Variants in CDH1 observed in about 807,000 individuals in gnomAD.
The protein encoded by CDH1 is cadherin 1.
A neutral mutation model predicts 84.5 loss-of-function variants in CDH1; 35 were observed. The ratio of observed to expected loss-of-function variants is 0.41; its 90% CI spans 0.32 to 0.55. The LOEUF (loss-of-function observed/expected upper bound fraction) is 0.55, where lower values mean the gene tolerates loss of function less well. CDH1 is among the 20% of genes least tolerant of loss of function. The pLI is 0.19. For synonymous variants in CDH1, 417 were observed against 439.0 expected (o/e 0.95, Z 0.63); for missense variants, 994 against 1,126.6 (o/e 0.88, Z 1.68).
chr16:68,810,111 G>C (rs1256423874), intron 5 of CDH1, 86 bp from the exon 6 acceptor site: 20 of 1,433,786 alleles, frequency 1.4e-5, no homozygotes, highest in Admixed American at 1.7e-5. Flanking sequence ...TGGCAGCCAG[G>C]GGGGCGCACT....
At chr16:68,810,566 ATT>A (rs5817654) in intron 6 of CDH1, among the ~76,000 whole-genome samples, 8 of 146,556 alleles carry the variant, frequency 5.5e-5, no homozygotes, top group Admixed American at 1.4e-4. Context: ...TTTATTATTA[ATT>A]TTTTTTTTTT....
rs71148949 is a variant in CDH1, at chr16:68,777,534, C to CTTTTTTTT, written c.164-24120_164-24113dup. 5.5e-3 allele frequency among the ~76,000 whole-genome samples: 424 copies of CTTTTTTTT among 76,938 alleles called. 14 individuals are homozygous for CTTTTTTTT. The highest frequency in any genetic ancestry group is 6.1e-3 in the African/African-American group (124 of 20,422). The allele number at this position is 76,938 out of a possible 152,430, so 50.5% of individuals were successfully genotyped here. ...AGTGTTCTAGAAAAGGTAATGTTTC[C>CTTTTTTTT]TTTTTTTTTTTTTTTTTTTTTTTGA... On this transcript the variant is annotated intron_variant, in intron 2 of 15. Coordinates refer to ENST00000261769, the MANE Select transcript of CDH1 (RefSeq NM_004360.5).
At chr16:68,757,676 C>T (rs1414943752) in intron 2 of CDH1, among the ~76,000 whole-genome samples, 2 of 152,160 alleles carry the variant, frequency 1.3e-5, no homozygotes, top group African/African-American at 2.4e-5. Context: ...TGCCTGGATT[C>T]CAATCCCAAC....
At chr16:68,801,998 G>A in intron 3 of CDH1, 105 bp downstream of exon 3, 1 of 921,814 alleles carries the variant, frequency 1.1e-6, no homozygotes, top group Non-Finnish European at 1.7e-6. Context: ...ATGATTTTGT[G>A]TTGTAGGGGT....
chr16:68,825,288 C>T (rs2152140373), intron 13 of CDH1, among the ~76,000 whole-genome samples: 1 of 152,146 alleles, frequency 6.6e-6, no homozygotes, highest in South Asian at 2.1e-4. Context: ...GGTAGAATTC[C>T]AACAGGCAGA....
At chr16:68,789,268 T>C (rs1293882261) in intron 2 of CDH1, among the ~76,000 whole-genome samples, 1 of 152,022 alleles carries the variant, frequency 6.6e-6, no homozygotes, top group Non-Finnish European at 1.5e-5. Context: ...TGGACTCAAG[T>C]GATCCGCCCA....
At position 68,834,697 on chromosome 16, in the gene CDH1, G is replaced by A. The variant is rs1379950620; in HGVS notation, c.*1198G>A. The stretch of plus-strand genomic sequence containing the variant: ...TAATGGCTTCCCTCTTTCATCTCCT[G>A]AGTATGTAACTTGCAATGGGCAGCT... On this transcript the variant is annotated 3_prime_UTR_variant, in exon 16 of 16. Transcript: ENST00000261769. The A allele has an allele frequency of 4.5e-4, 106 of 235,144 alleles. No homozygotes were observed. Among genetic ancestry groups the A allele is most frequent in the Non-Finnish European group, 1.1e-4 (13 of 119,136 alleles). The allele number at this position is 235,144 out of a possible 1,614,324, so 14.6% of individuals were successfully genotyped here. A position where few individuals can be genotyped will look rare whatever the true frequency, so the allele number is the denominator to read the frequency against.
At chr16:68,824,687 T>C (rs1398638729) in intron 13 of CDH1, among the ~76,000 whole-genome samples, 1 of 152,244 alleles carries the variant, frequency 6.6e-6, no homozygotes, top group African/African-American at 2.4e-5. Flanking sequence ...GTTTCTGCCA[T>C]AGTCCTTAAA....
rs1555510236 is a variant in CDH1 at position 68,743,359 on chromosome 16, C to CTTTCTTTTCTTTTCT, written c.163+4951_163+4965dup. 7.4e-4 allele frequency among the ~76,000 whole-genome samples: 41 copies of CTTTCTTTTCTTTTCT among 55,634 alleles called. 6 individuals are homozygous for CTTTCTTTTCTTTTCT. The highest frequency in any genetic ancestry group is 1.7e-3 in the East Asian group (3 of 1,778). The allele number at this position is 55,634 out of a possible 152,430, so 36.5% of individuals were successfully genotyped here. A position where few individuals can be genotyped will look rare whatever the true frequency, so the allele number is the denominator to read the frequency against. On this transcript the variant is annotated intron_variant, in intron 2 of 15. Transcript: ENST00000261769. ...TCTTTCTTTCTTTCTTTCTTTCTTTCTTTCTTTTCTTTTCTTTCTTTTGAG... is the reference window on the plus strand; with the variant it reads ...TCTTTCTTTCTTTCTTTCTTTCTTTCTTTCTTTTCTTTTCTTTTCTTTTCTTTTCTTTCTTTTGAG...
intron 8 of CDH1, among the ~76,000 whole-genome samples, chr16:68,812,622 A>C (rs377180087): frequency 6.6e-6 from 1 of 152,234 alleles, no homozygotes; most frequent in East Asian, 1.9e-4. Context: ...ATCACACACA[A>C]AGATTCCATT....
At chr16:68,779,014 C>G (rs1362404721) in intron 2 of CDH1, among the ~76,000 whole-genome samples, 1 of 152,158 alleles carries the variant, frequency 6.6e-6, no homozygotes, top group African/African-American at 2.4e-5. Flanking sequence ...GCCAGGTGGC[C>G]TTTCAGGTTT....
rs752439219 is a variant in CDH1, at chr16:68,829,811, G to C, written c.2439+14G>C. 1 of 1,613,146 alleles carries C rather than the reference G, an allele frequency of 6.2e-7. No individual in the cohort carries two copies. Among genetic ancestry groups the C allele is most frequent in the Non-Finnish European group, 8.5e-7 (1 of 1,179,716 alleles). On this transcript the variant is annotated intron_variant, in intron 15 of 15. Transcript: ENST00000261769. ...TTTATTGATGAAGTAAGTAATCCACGTGGAAAGCCAAAGCATGGCTCATCT... is the reference window on the plus strand; with the variant it reads ...TTTATTGATGAAGTAAGTAATCCACCTGGAAAGCCAAAGCATGGCTCATCT...
In CDH1 at chr16:68,738,413, T is replaced by C; in HGVS notation, c.163+2T>C. 6.5e-7 allele frequency: 1 copy of C among 1,536,040 alleles called. No individual in the cohort carries two copies. The highest frequency in any genetic ancestry group is 8.8e-7 in the Non-Finnish European group (1 of 1,134,878). ...AGAGAGGCCGCGTCCTGGGCAGAGG[T>C]GAGGGCGCGCTGCCGGTGTCCCTGG... On this transcript the variant is annotated splice_donor_variant, in intron 2 of 15. Coordinates refer to ENST00000261769, the MANE Select transcript of CDH1 (RefSeq NM_004360.5). LOFTEE classifies it high-confidence loss of function.
chr16:68,825,015 G>T (rs1281257694), intron 13 of CDH1, among the ~76,000 whole-genome samples: 1 of 152,168 alleles, frequency 6.6e-6, no homozygotes, highest in Non-Finnish European at 1.5e-5. Flanking sequence ...GGAGACCAGG[G>T]TGGGAGGATT....
intron 2 of CDH1, chr16:68,742,451 T>C: frequency 6.4e-6 from 1 of 155,270 alleles, no homozygotes; most frequent in Non-Finnish European, 1.4e-5. Flanking sequence ...GGCTAATTTT[T>C]GTATTTTTAG....
intron 2 of CDH1, among the ~76,000 whole-genome samples, chr16:68,738,643 G>A (rs1257491364): frequency 6.6e-6 from 1 of 152,150 alleles, no homozygotes; most frequent in Non-Finnish European, 1.5e-5. Flanking sequence ...AGGAGGTTGA[G>A]GGCACTTACT....
At chr16:68,831,783 C>T (rs1961490675) in intron 15 of CDH1, among the ~76,000 whole-genome samples, 1 of 152,050 alleles carries the variant, frequency 6.6e-6, no homozygotes, top group African/African-American at 2.4e-5. Flanking sequence ...GGGTGATCTC[C>T]CTGCCTCGGC....
chr16:68,783,136 C>G (rs1461833450), intron 2 of CDH1, among the ~76,000 whole-genome samples: 1 of 151,992 alleles, frequency 6.6e-6, no homozygotes, highest in African/African-American at 2.4e-5. Context: ...GTGGCTCACT[C>G]CTGTAATCCT....
At chr16:68,828,152 T>A (rs767885205) in intron 13 of CDH1, 22 bp from the exon 14 acceptor site, 1 of 1,613,496 alleles carries the variant, frequency 6.2e-7, no homozygotes, top group Non-Finnish European at 8.5e-7. Flanking sequence ...CAACACTTGC[T>A]CTGTCTCCCC....
Sources: allele counts gnomAD v4.1 joint callset (sites outside exome capture counted in the v4.1 genomes callset), GRCh38; gene constraint gnomAD v4.1.1; transcripts MANE v1.5; gene names NCBI Gene and HGNC (gene_info 2026-07-23, HGNC 2026-07-21).